ACAP3: variants seen among roughly 807,000 people sequenced by gnomAD.
ACAP3 encodes ArfGAP with coiled-coil, ankyrin repeat and PH domains 3.
ACAP3 carries 56 observed loss-of-function variants against 104.1 expected under a neutral mutation model. The observed-to-expected ratio is 0.54, with a 90% CI of 0.43 to 0.67. ACAP3 has a LOEUF of 0.67. Ranked by LOEUF, ACAP3 falls within the 30% of genes least tolerant of loss-of-function variation. The probability of loss-of-function intolerance (pLI) is 0.00; values close to 1 mark genes in which losing one functional copy is unlikely to be tolerated. For synonymous variants in ACAP3, 628 were observed against 496.2 expected (o/e 1.27, Z -3.53); for missense variants, 1,208 against 1,174.9 (o/e 1.03, Z -0.41).
Position 1,303,627 on chromosome 1 carries a change from C to A in ACAP3, c.106-346G>T, listed in dbSNP as rs1429497300. 9.0e-6 allele frequency: 4 copies of A among 442,706 alleles called. No homozygotes were observed. The highest frequency in any genetic ancestry group is 1.6e-5 in the Non-Finnish European group (4 of 243,074). The allele number at this position is 442,706 out of a possible 1,614,324, so 27.4% of individuals were successfully genotyped here. ...CCTGTTGCCCCCTCCTCTTTCTCAG[C>A]CCATGTGGGGCTCATGGACACGGCT... On this transcript the variant is annotated intron_variant, in intron 2 of 23. Coordinates refer to ENST00000354700, the MANE Select transcript of ACAP3 (RefSeq NM_030649.3). The surrounding 1 kb of genome is among the most constrained non-coding windows in gnomAD (Gnocchi z 4.0).
chr1:1,304,467 C>T (rs77641120), intron 1 of ACAP3: 7,898 of 487,360 alleles, frequency 0.016, 103 homozygotes, highest in Non-Finnish European at 0.023. Context: ...CCTCACCCGC[C>T]TCTCCTCTAG....
At chr1:1,300,278 C>T (rs1407406753) in intron 6 of ACAP3, 76 bp from the exon 7 acceptor site, 2 of 1,499,384 alleles carry the variant, frequency 1.3e-6, no homozygotes, top group African/African-American at 2.8e-5. Context: ...ATAGAGTCCA[C>T]CTGAGCTGCT....
chr1:1,296,611 G>C lies in ACAP3; in HGVS notation c.1151C>G (p.Pro384Arg). ...GGCGGAGTCGATGCTGCTCGTGGAC[G>C]GGGATGCTGTGCGGTCCAGCCTCTG... Reference protein sequence around the residue: ...YSERLDRTASPSTSSIDSATD... With the variant: ...YSERLDRTASRSTSSIDSATD... The change falls in exon 15 of 24, where the codon CCG (proline) becomes CGG (arginine). Residue 384 changes from proline to arginine, a missense_variant. Coordinates refer to ENST00000354700, the MANE Select transcript of ACAP3 (RefSeq NM_030649.3). 1 of 1,537,910 alleles carries C rather than the reference G, an allele frequency of 6.5e-7. No homozygotes were observed. Among genetic ancestry groups the C allele is most frequent in the Non-Finnish European group, 8.7e-7 (1 of 1,146,454 alleles).
In ACAP3 at chr1:1,299,344, CCTGCAGCAG is replaced by C; in HGVS notation, c.742_750del (p.Leu248_Gln250del). The C allele has an allele frequency of 1.3e-6, 2 of 1,585,844 alleles. No individual in the cohort carries two copies. The highest frequency in any genetic ancestry group is 2.3e-5 in the South Asian group (2 of 87,992). ...CCCGCCCAGGGCCCGTGCTCACTTACCTGCAGCAGCGTCTGGAGGGCCGGAGCAGGAGGG... is the reference window on the plus strand; with the variant it reads ...CCCGCCCAGGGCCCGTGCTCACTTACCGTCTGGAGGGCCGGAGCAGGAGGG... On this transcript the variant is annotated inframe_deletion and splice_region_variant, in exon 10 of 24. Transcript: ENST00000354700.
At chr1:1,300,235 G>C in intron 6 of ACAP3, 33 bp from the exon 7 acceptor site, 1 of 1,574,386 alleles carries the variant, frequency 6.4e-7, no homozygotes, top group Non-Finnish European at 8.6e-7. Flanking sequence ...GTGAGCCCCG[G>C]AGGCTGAGGC....
chr1:1,307,169 AGTT>A (rs1641761319), intron 1 of ACAP3: 2 of 1,269,476 alleles, frequency 1.6e-6, no homozygotes, highest in African/African-American at 3.1e-5. Flanking sequence ...GTGAACATGT[AGTT>A]CACGCAGGTG....
chr1:1,303,122 C>T lies in ACAP3; in HGVS notation c.225+40G>A, dbSNP rs746584860. The T allele has an allele frequency of 9.0e-5, 142 of 1,569,852 alleles. No individual in the cohort carries two copies. The highest frequency in any genetic ancestry group is 1.2e-4 in the Non-Finnish European group (140 of 1,157,996). On this transcript the variant is annotated intron_variant, in intron 3 of 23. Transcript: ENST00000354700. This position sits in a 1 kb window ranked among gnomAD's most constrained non-coding sequence, Gnocchi z 4.0. Reference sequence around the variant, plus strand: ...GGGGCTGCCTCCCTCGGCCTCTCCCCCAACCCCACCTTGAGGTCAGAGGTC... The same window carrying T: ...GGGGCTGCCTCCCTCGGCCTCTCCCTCAACCCCACCTTGAGGTCAGAGGTC...
chr1:1,307,673 C>T, intron 1 of ACAP3, 96 bp downstream of exon 1: 1 of 1,033,038 alleles, frequency 9.7e-7, no homozygotes, highest in Non-Finnish European at 1.2e-6. Context: ...CGGCCGCGGC[C>T]CGGCCCGGCG....
chr1:1,296,981 C>T (rs970136115), intron 14 of ACAP3, among the ~76,000 whole-genome samples: 3 of 152,260 alleles, frequency 2.0e-5, no homozygotes, highest in African/African-American at 4.8e-5. Flanking sequence ...GGTACCTGCA[C>T]ACACATGCAC....
chr1:1,307,852 C>A lies in ACAP3; in HGVS notation c.-37G>T. 2 of 1,018,090 alleles carry A rather than the reference C, an allele frequency of 2.0e-6. No homozygotes were observed. The highest frequency in any genetic ancestry group is 2.3e-6 in the Non-Finnish European group (2 of 851,594). The allele number at this position is 1,018,090 out of a possible 1,614,324, so 63.1% of individuals were successfully genotyped here. A position where few individuals can be genotyped will look rare whatever the true frequency, so the allele number is the denominator to read the frequency against. On this transcript the variant is annotated 5_prime_UTR_variant, in exon 1 of 24. Transcript: ENST00000354700. ...CCGCGGCGCTCACTGGCACGAGGAC[C>A]GCGGCGCCGAGCGGCAGCCGCGCCG...
chr1:1,301,213 G>A (rs1416016431), intron 5 of ACAP3, among the ~76,000 whole-genome samples: 1 of 151,324 alleles, frequency 6.6e-6, no homozygotes, highest in Non-Finnish European at 1.5e-5. Context: ...TGAGGCTACA[G>A]GTGCGTGCCA....
chr1:1,304,470 T>A (rs1424804212), intron 1 of ACAP3: 4 of 477,978 alleles, frequency 8.4e-6, no homozygotes, highest in Non-Finnish European at 1.5e-5. Context: ...CACCCGCCTC[T>A]CCTCTAGGAG....
rs540356129 is a variant in ACAP3, at chr1:1,303,501, G to A, written c.106-220C>T. 1 of 661,816 alleles carries A rather than the reference G, an allele frequency of 1.5e-6. No homozygotes were observed. Among genetic ancestry groups the A allele is most frequent in the African/African-American group, 1.8e-5 (1 of 54,734 alleles). The allele number at this position is 661,816 out of a possible 1,614,324, so 41.0% of individuals were successfully genotyped here. ...GGGTGGGGCCGCCACGGCTCGGCTG[G>A]GAGGGACCAGGAGCCAGGCAGGGGA... On this transcript the variant is annotated intron_variant, in intron 2 of 23. Coordinates refer to ENST00000354700, the MANE Select transcript of ACAP3 (RefSeq NM_030649.3). This position sits in a 1 kb window ranked among gnomAD's most constrained non-coding sequence, Gnocchi z 4.0.
chr1:1,306,690 G>C (rs938772941), intron 1 of ACAP3, among the ~76,000 whole-genome samples: 5 of 152,204 alleles, frequency 3.3e-5, no homozygotes, highest in African/African-American at 9.7e-5. Flanking sequence ...ACACAATCAA[G>C]CACACATGTG....
chr1:1,297,843 G>A lies in ACAP3; in HGVS notation c.1107C>T (p.Ser369=). 1 of 1,611,760 alleles carries A rather than the reference G, an allele frequency of 6.2e-7. No homozygotes were observed. Among genetic ancestry groups the A allele is most frequent in the Non-Finnish European group, 8.5e-7 (1 of 1,179,332 alleles). The change falls in exon 14 of 24, where the codon AGC becomes AGT. Residue 369 remains serine, a synonymous_variant. Coordinates refer to ENST00000354700, the MANE Select transcript of ACAP3 (RefSeq NM_030649.3). ...ACACCTCGCTATAGCAACTGTCAGGGCTCTCGCGGTAGGCGGAGGCGATGC... is the reference window on the plus strand; with the variant it reads ...ACACCTCGCTATAGCAACTGTCAGGACTCTCGCGGTAGGCGGAGGCGATGC... ...QASIASAYRE[S]PDSCYSERLD...
At chr1:1,295,133 T>C (rs1167008314) in intron 19 of ACAP3, 1 of 551,032 alleles carries the variant, frequency 1.8e-6, no homozygotes, top group Non-Finnish European at 3.2e-6. Context: ...GGCTGAAATG[T>C]CTCCACCCAA....
chr1:1,302,067 A>G (rs1299593960), intron 4 of ACAP3, 21 bp from the exon 5 acceptor site: 4 of 1,512,040 alleles, frequency 2.6e-6, no homozygotes, highest in Non-Finnish European at 3.6e-6. Context: ...AGGCGGGCAG[A>G]GATCCTTGGG....
At position 1,294,154 on chromosome 1, in the gene ACAP3, C is replaced by T. The variant is rs1427042627; in HGVS notation, c.2185G>A (p.Val729Met). The T allele has an allele frequency of 1.3e-6, 2 of 1,596,554 alleles. No homozygotes were observed. Among genetic ancestry groups the T allele is most frequent in the Non-Finnish European group, 1.7e-6 (2 of 1,171,968 alleles). ...CEFLLQNGAD[V>M]NQRDSRGRAP... Reference sequence around the variant, plus strand: ...CGGCCCCGGCTGTCTCTTTGGTTCACGTCCGCTCCGTTTTGCAGCAGGAAC... The same window carrying T: ...CGGCCCCGGCTGTCTCTTTGGTTCATGTCCGCTCCGTTTTGCAGCAGGAAC... The change falls in exon 22 of 24, where the codon GTG becomes ATG. Residue 729 changes from valine (V) to methionine (M), a missense_variant. Coordinates refer to ENST00000354700, the MANE Select transcript of ACAP3 (RefSeq NM_030649.3).
In ACAP3 at chr1:1,295,881, C is replaced by T. The variant is rs2100410851; in HGVS notation, c.1560G>A (p.Lys520=). Residue 520 remains lysine (K), a synonymous_variant, in exon 18 of 24, where the codon AAG becomes AAA. Coordinates refer to ENST00000354700, the MANE Select transcript of ACAP3 (RefSeq NM_030649.3). ...DKYVEKKFLR[K]APMAPALEAP... ...CCTCCAGGGCTGGTGCCATGGGCGC[C>T]TTCCGCAGAAACTTCTTTTCCACGT... 7 of 1,612,044 alleles carry T rather than the reference C, an allele frequency of 4.3e-6. No individual in the cohort carries two copies. The highest frequency in any genetic ancestry group is 3.3e-5 in the South Asian group (3 of 91,086).
Sources: allele counts gnomAD v4.1 joint callset (sites outside exome capture counted in the v4.1 genomes callset), GRCh38; gene constraint gnomAD v4.1.1; non-coding constraint Gnocchi (gnomAD v3.1); transcripts MANE v1.5; gene names NCBI Gene and HGNC (gene_info 2026-07-23, HGNC 2026-07-21).